The following PPP1R12B variants were observed in gnomAD, a reference collection of about 807,000 sequenced individuals.
The protein encoded by PPP1R12B is myosin phosphatase target subunit 2.
PPP1R12B carries 76 observed loss-of-function variants against 126.1 expected under a neutral mutation model. That is an observed-to-expected ratio of 0.60 (90% confidence interval 0.50 to 0.73). PPP1R12B has a LOEUF of 0.73. Among genes scored for constraint, PPP1R12B ranks in the 30% least tolerant of loss-of-function variants. PPP1R12B has a pLI of 0.00. For synonymous variants in PPP1R12B, 356 were observed against 434.7 expected, an observed-to-expected ratio of 0.82 and a Z score of 2.25; for missense variants, 1,052 against 1,205.1, an observed-to-expected ratio of 0.87 and a Z score of 1.88.
intron 18 of PPP1R12B, among the ~76,000 whole-genome samples, chr1:202,503,211 G>A (rs1199830738): frequency 6.6e-6 from 1 of 152,166 alleles, no homozygotes; most frequent in East Asian, 1.9e-4. Context: ...ATATTTTGAA[G>A]TTAGAACCAA....
In PPP1R12B at chr1:202,493,251, C is replaced by T; in HGVS notation, c.2079C>T (p.Pro693=). 2 of 1,612,982 alleles carry T rather than the reference C, an allele frequency of 1.2e-6. No individual in the cohort carries two copies. Among genetic ancestry groups the T allele is most frequent in the Non-Finnish European group, 1.7e-6 (2 of 1,179,864 alleles). The change falls in exon 15 of 24, where the codon CCC becomes CCT. Residue 693 remains proline, a synonymous_variant. Coordinates refer to ENST00000608999, the MANE Select transcript of PPP1R12B (RefSeq NM_002481.4). ...AGGGGAGCCCTGAGAAGCATGAGCC[C>T]TCAGCAGTTCCAGCAACAGAAGCTG... is the stretch of plus-strand genomic sequence containing the variant. ...GLEGSPEKHE[P]SAVPATEAGE...
chr1:202,539,396 G>GAATTC (rs1204002314), intron 18 of PPP1R12B, among the ~76,000 whole-genome samples: 6 of 152,176 alleles, frequency 3.9e-5, no homozygotes, highest in African/African-American at 1.4e-4. Context: ...GAGCGAATAG[G>GAATTC]GATTTGGAAT....
At chr1:202,389,122 T>A (rs1663646661) in intron 1 of PPP1R12B, among the ~76,000 whole-genome samples, 1 of 152,134 alleles carries the variant, frequency 6.6e-6, no homozygotes, top group Non-Finnish European at 1.5e-5. Context: ...TTCCAAGGAA[T>A]CAAATAGTTA....
At position 202,348,969 on chromosome 1, in the gene PPP1R12B, G is replaced by A; in HGVS notation, c.118G>A (p.Gly40Ser). 3 of 1,601,506 alleles carry A rather than the reference G, an allele frequency of 1.9e-6. No homozygotes were observed. Among genetic ancestry groups the A allele is most frequent in the Middle Eastern group, 1.7e-4 (1 of 5,818 alleles). ...LTEQEPAERR[G>S]AGRQPLTRRG... Reference sequence around the variant, plus strand: ...AGAGCAGGAGCCTGCGGAGCGACGAGGCGCGGGGCGGCAGCCGCTGACCAG... The same window carrying A: ...AGAGCAGGAGCCTGCGGAGCGACGAAGCGCGGGGCGGCAGCCGCTGACCAG... Residue 40 changes from glycine (G) to serine (S), a missense_variant, in exon 1 of 24, where the codon GGC becomes AGC. Transcript: ENST00000608999.
At chr1:202,474,573 C>T (rs374503660) in intron 13 of PPP1R12B, among the ~76,000 whole-genome samples, 1 of 152,156 alleles carries the variant, frequency 6.6e-6, no homozygotes, top group Non-Finnish European at 1.5e-5. Flanking sequence ...CCACCGCGCC[C>T]AGCCACAAAT....
chr1:202,438,428 T>C, intron 10 of PPP1R12B: 1 of 462,792 alleles, frequency 2.2e-6, no homozygotes, highest in East Asian at 5.3e-5. Context: ...CTAAGCCCTC[T>C]GCCCCCGCCT....
At chr1:202,462,955 G>A (rs1674505800) in intron 13 of PPP1R12B, 1 of 985,212 alleles carries the variant, frequency 1.0e-6, no homozygotes, top group African/African-American at 1.7e-5. Context: ...GAAATCAGAG[G>A]CACAGGAAGT....
At chr1:202,413,170 C>T (rs553973885) in intron 1 of PPP1R12B, among the ~76,000 whole-genome samples, 42 of 151,670 alleles carry the variant, frequency 2.8e-4, no homozygotes, top group African/African-American at 8.7e-4. Flanking sequence ...TCAAATCAAA[C>T]CTAGATTGAC....
At chr1:202,439,308 T>A (rs980959106) in intron 10 of PPP1R12B, 5 of 1,419,636 alleles carry the variant, frequency 3.5e-6, no homozygotes, top group Admixed American at 1.7e-5. Context: ...TGAGGCCATC[T>A]CCATCCTGAG....
chr1:202,369,364 A>C (rs1305190084), intron 1 of PPP1R12B, among the ~76,000 whole-genome samples: 2 of 152,234 alleles, frequency 1.3e-5, no homozygotes, highest in African/African-American at 4.8e-5. Context: ...TTACTGTTAA[A>C]ATTTTAAAAA....
At position 202,587,843 on chromosome 1, in the gene PPP1R12B, T is replaced by A. The variant is rs1295557687; in HGVS notation, c.*7283T>A. The A allele has an allele frequency of 6.6e-6, 1 of 152,110 alleles. No homozygotes were observed. Among genetic ancestry groups the A allele is most frequent in the Non-Finnish European group, 1.5e-5 (1 of 68,052 alleles). 9.4% of individuals were successfully genotyped at this position (152,110 alleles called of 1,614,324 possible). ...CGCTTGCCTTCTGATGAAGAGAGGT[T>A]AGGTAAAGAGAGTTTGGAGGAAAAA... On this transcript the variant is annotated 3_prime_UTR_variant, in exon 24 of 24. Coordinates refer to ENST00000608999, the MANE Select transcript of PPP1R12B (RefSeq NM_002481.4).
rs71142533 is a variant in PPP1R12B at position 202,471,575 on chromosome 1, G to GTTT, written c.1851-16942_1851-16940dup. The stretch of plus-strand genomic sequence containing the variant: ...TTTTCAACTAGGTTAGACTTAAAAT[G>GTTT]TTTTTTTTTTTTTTTTTTGCTGCTA... On this transcript the variant is annotated intron_variant, in intron 13 of 23. Transcript: ENST00000608999. Among the ~76,000 whole-genome samples, 74 of 113,648 alleles carry GTTT rather than the reference G, an allele frequency of 6.5e-4. No individual in the cohort carries two copies. In the South Asian group the frequency reaches 9.9e-3, roughly 15 times the overall value. 74.6% of individuals were successfully genotyped at this position (113,648 alleles called of 152,430 possible).
chr1:202,569,872 G>A (rs1688426168), intron 23 of PPP1R12B, among the ~76,000 whole-genome samples: 1 of 152,062 alleles, frequency 6.6e-6, no homozygotes, highest in South Asian at 2.1e-4. Context: ...GCCATCCTGG[G>A]CAGTTTTGAG....
chr1:202,547,296 C>T (rs1399029829), intron 18 of PPP1R12B, among the ~76,000 whole-genome samples: 1 of 152,202 alleles, frequency 6.6e-6, no homozygotes, highest in East Asian at 1.9e-4. Flanking sequence ...AGTTGCCTTT[C>T]ATCAGCTTTT....
chr1:202,368,867 G>A (rs1464805224), intron 1 of PPP1R12B, among the ~76,000 whole-genome samples: 2 of 152,002 alleles, frequency 1.3e-5, no homozygotes, highest in Non-Finnish European at 2.9e-5. Context: ...GAGTAGCTAC[G>A]ACTACAGGAA....
chr1:202,426,907 T>C, intron 4 of PPP1R12B, 133 bp from the exon 5 acceptor site: 3 of 1,275,152 alleles, frequency 2.4e-6, no homozygotes, highest in Non-Finnish European at 3.2e-6. Context: ...AACTGTGCCT[T>C]AGAGGGCAGA....
In PPP1R12B at chr1:202,502,301, T is replaced by C. The variant is rs1680320799; in HGVS notation, c.2490+5479T>C. ...GTATGCTCGTGGAGAGATCTGTTGGTAAAAGTCTTCTAAAAGAGTTAAGCT... is the reference window on the plus strand; with the variant it reads ...GTATGCTCGTGGAGAGATCTGTTGGCAAAAGTCTTCTAAAAGAGTTAAGCT... On this transcript the variant is annotated intron_variant, in intron 18 of 23. Transcript: ENST00000608999. 5.1e-6 allele frequency: 5 copies of C among 984,976 alleles called. No homozygotes were observed. In the African/African-American group the frequency reaches 8.7e-5, roughly 17 times the overall value. 61.0% of individuals were successfully genotyped at this position (984,976 alleles called of 1,614,324 possible). A position where few individuals can be genotyped will look rare whatever the true frequency, so the allele number is the denominator to read the frequency against.
rs199958150 is a variant in PPP1R12B, at chr1:202,473,847, C to T, written c.1851-14686C>T. 107 of 502,700 alleles carry T rather than the reference C, an allele frequency of 2.1e-4. No individual in the cohort carries two copies. The East Asian group carries it at 3.2e-3, about 15-fold the overall frequency. The allele number at this position is 502,700 out of a possible 1,614,324, so 31.1% of individuals were successfully genotyped here. ...GCCTTTTCCAGTTTCCAAGGGAGACCGGGTGCTGAGACTGCAGTCTTTCCC... is the reference window on the plus strand; with the variant it reads ...GCCTTTTCCAGTTTCCAAGGGAGACTGGGTGCTGAGACTGCAGTCTTTCCC... On this transcript the variant is annotated intron_variant, in intron 13 of 23. Coordinates refer to ENST00000608999, the MANE Select transcript of PPP1R12B (RefSeq NM_002481.4).
intron 23 of PPP1R12B, among the ~76,000 whole-genome samples, chr1:202,569,662 C>G (rs1688406603): frequency 6.6e-6 from 1 of 152,146 alleles, no homozygotes; most frequent in African/African-American, 2.4e-5. Flanking sequence ...TTGAATCATT[C>G]TGCAGCAAAA....
Sources: allele counts gnomAD v4.1 joint callset (sites outside exome capture counted in the v4.1 genomes callset), GRCh38; gene constraint gnomAD v4.1.1; transcripts MANE v1.5; gene names NCBI Gene and HGNC (gene_info 2026-07-23, HGNC 2026-07-21).